The following WDFY4 variants were observed in gnomAD, a reference collection of about 807,000 sequenced individuals.
WDFY4 encodes WD repeat- and FYVE domain-containing protein 4.
A neutral mutation model predicts 351.9 loss-of-function variants in WDFY4; 169 were observed. The observed-to-expected ratio is 0.48, with a 90% confidence interval of 0.42 to 0.55. The LOEUF is 0.55. WDFY4 is among the 20% of genes least tolerant of loss of function. The pLI is 0.00. For synonymous variants in WDFY4, 1,622 were observed against 1,574.6 expected (o/e 1.03, Z -0.71); for missense variants, 3,803 against 3,935.6 (o/e 0.97, Z 0.90).
At chr10:48,760,316 G>A in intron 12 of WDFY4, 31 bp from the exon 13 acceptor site, 21 of 1,543,814 alleles carry the variant, frequency 1.4e-5, no homozygotes, top group Non-Finnish European at 1.8e-5. Context: ...GAAGGTCCGT[G>A]TCTCATGTCT....
rs544546737 is a variant in WDFY4, at chr10:48,923,667, A to G, written c.7587-18139A>G. Among the ~76,000 whole-genome samples the G allele has an allele frequency of 1.9e-3, 285 of 151,956 alleles. 1 individual carries two copies. Among genetic ancestry groups the G allele is most frequent in the African/African-American group, 6.7e-3 (277 of 41,440 alleles). ...CACTGTATGAGCATATTGAGTGCCT[A>G]CCATTTATCAACCCTCTGAGCAACA... On this transcript the variant is annotated intron_variant, in intron 47 of 61. Coordinates refer to ENST00000325239, the MANE Select transcript of WDFY4 (RefSeq NM_001394531.1).
chr10:48,811,627 C>A lies in WDFY4; in HGVS notation c.5133C>A (p.His1711Gln). 1 of 1,551,960 alleles carries A rather than the reference C, an allele frequency of 6.4e-7. No individual in the cohort carries two copies. Among genetic ancestry groups the A allele is most frequent in the Non-Finnish European group, 8.7e-7 (1 of 1,147,056 alleles). ...FRVLNDFLAH[H>Q]VHIPEVYLIV... is the part of the protein sequence containing the mutation. Reference sequence around the variant, plus strand: ...TCTTGAATGACTTTCTGGCCCACCACGTCCACATTCCAGAGGTCTACCTCA... The same window carrying A: ...TCTTGAATGACTTTCTGGCCCACCAAGTCCACATTCCAGAGGTCTACCTCA... Residue 1711 changes from histidine to glutamine, a missense_variant, in exon 30 of 62, where the codon CAC (histidine) becomes CAA (glutamine). By Grantham distance (24) the His-to-Gln change is conservative. This residue lies in a region of WDFY4 where 3,054 missense variants were observed against 3,148.6 expected (regional missense o/e 0.97). Transcript: ENST00000325239.
chr10:48,736,347 A>C (rs1041226135), intron 11 of WDFY4: 2 of 598,950 alleles, frequency 3.3e-6, no homozygotes, highest in Non-Finnish European at 5.9e-6. Flanking sequence ...GCCAGCAGAC[A>C]AGGGAAGAGA....
Position 48,817,345 on chromosome 10 carries a change from C to T in WDFY4, c.5441C>T (p.Ala1814Val), listed in dbSNP as rs746485548. 4.6e-5 allele frequency: 71 copies of T among 1,551,524 alleles called. No homozygotes were observed. Among genetic ancestry groups the T allele is most frequent in the Middle Eastern group, 1.7e-4 (1 of 6,014 alleles). The change falls in exon 32 of 62, where the codon GCG becomes GTG. Residue 1814 changes from alanine (A) to valine (V), a missense_variant. Coordinates refer to ENST00000325239, the MANE Select transcript of WDFY4 (RefSeq NM_001394531.1). ...LVHRTYPQDP[A>V]WRAPEFLQTL... The stretch of plus-strand genomic sequence containing the variant: ...CACCGCACCTACCCCCAGGACCCAG[C>T]GTGGCGAGCCCCGGAGTTCCTCCAG...
At chr10:48,696,980 C>G (rs1054936196) in intron 1 of WDFY4, among the ~76,000 whole-genome samples, 3 of 152,258 alleles carry the variant, frequency 2.0e-5, no homozygotes, top group African/African-American at 7.2e-5. Flanking sequence ...GGATTTGAAT[C>G]TGATCTATGT....
chr10:48,914,011 G>A (rs776108946), intron 47 of WDFY4: 2 of 1,614,064 alleles, frequency 1.2e-6, no homozygotes, highest in African/African-American at 1.3e-5. Flanking sequence ...ATGTCACTAA[G>A]GCGCAGAATA....
chr10:48,974,637 C>T (rs749152619), intron 57 of WDFY4, among the ~76,000 whole-genome samples: 3 of 150,688 alleles, frequency 2.0e-5, no homozygotes, highest in East Asian at 3.9e-4. Context: ...AATGGTTTCT[C>T]CCCAGCAGAG....
At chr10:48,685,077 C>T (rs2063005632) in intron 1 of WDFY4, 76 bp downstream of exon 1, 1 of 152,496 alleles carries the variant, frequency 6.6e-6, no homozygotes, top group African/African-American at 2.4e-5. Context: ...AGCGTGGGGC[C>T]TACTGGCTGC....
At position 48,954,487 on chromosome 10, in the gene WDFY4, G is replaced by T. The variant is rs181120253; in HGVS notation, c.7978-2642G>T. Among the ~76,000 whole-genome samples, 4 of 152,280 alleles carry T rather than the reference G, an allele frequency of 2.6e-5. No individual in the cohort carries two copies. In the East Asian group the frequency reaches 7.7e-4, roughly 29 times the overall value. On this transcript the variant is annotated intron_variant, in intron 51 of 61. Transcript: ENST00000325239. ...CCAAGTTCTAGACTTAATTGTGCTG[G>T]TTTATTTCATTTGGGTCTGGACTTT...
chr10:48,962,932 C>T (rs1189428069), intron 53 of WDFY4, among the ~76,000 whole-genome samples: 1 of 152,186 alleles, frequency 6.6e-6, no homozygotes, highest in Non-Finnish European at 1.5e-5. Flanking sequence ...GTTCACATTC[C>T]TGGGGGCTAA....
chr10:48,844,569 G>T (rs1003344709), intron 39 of WDFY4, among the ~76,000 whole-genome samples: 1 of 152,118 alleles, frequency 6.6e-6, no homozygotes, highest in East Asian at 1.9e-4. Flanking sequence ...TCCAGCCTAG[G>T]TGACAACAGC....
chr10:48,717,222 G>C (rs2063938379), intron 2 of WDFY4, among the ~76,000 whole-genome samples: 1 of 152,192 alleles, frequency 6.6e-6, no homozygotes. Context: ...CATTGTTACT[G>C]TGTATCGTGG....
chr10:48,865,540 G>T (rs746499666), intron 39 of WDFY4, among the ~76,000 whole-genome samples: 1 of 152,118 alleles, frequency 6.6e-6, no homozygotes, highest in Non-Finnish European at 1.5e-5. Flanking sequence ...TAAAGCCTTT[G>T]TCTGTTTTCT....
chr10:48,785,204 CA>C (rs2066366061), intron 19 of WDFY4, among the ~76,000 whole-genome samples: 3 of 151,992 alleles, frequency 2.0e-5, no homozygotes, highest in Admixed American at 2.0e-4. Flanking sequence ...AAAATGTATA[CA>C]TATATGTGTA....
Position 48,822,366 on chromosome 10 carries a change from C to T in WDFY4, c.5825-14C>T, listed in dbSNP as rs923248334. The T allele has an allele frequency of 1.3e-6, 2 of 1,527,884 alleles. No individual in the cohort carries two copies. The highest frequency in any genetic ancestry group is 1.4e-5 in the African/African-American group (1 of 72,794). The allele number at this position is 1,527,884 out of a possible 1,614,324, so 94.6% of individuals were successfully genotyped here. On this transcript the variant is annotated splice_polypyrimidine_tract_variant and intron_variant, in intron 34 of 61. Transcript: ENST00000325239. The stretch of plus-strand genomic sequence containing the variant: ...ATTTAGACTCTCACCTCCACCTGTC[C>T]CCTCACTCCACAGACGGCAAAGAGC...
chr10:48,792,965 C>A (rs992888207), intron 23 of WDFY4, among the ~76,000 whole-genome samples: 13 of 152,116 alleles, frequency 8.5e-5, no homozygotes, highest in Admixed American at 7.9e-4. Flanking sequence ...AGGTACATAG[C>A]GCCTGCTGTC....
intron 1 of WDFY4, among the ~76,000 whole-genome samples, chr10:48,695,305 C>A (rs1174435701): frequency 6.6e-6 from 1 of 152,190 alleles, no homozygotes; most frequent in Non-Finnish European, 1.5e-5. Flanking sequence ...TGGCTTGGAT[C>A]TCCTATGGCT....
chr10:48,801,629 A>T (rs2067093356), intron 24 of WDFY4: 1 of 387,798 alleles, frequency 2.6e-6, no homozygotes, highest in South Asian at 1.8e-5. Context: ...GGCTGTGCTT[A>T]AAAAAGCAGG....
In WDFY4 at chr10:48,822,366, C is replaced by G; in HGVS notation, c.5825-14C>G. 6.5e-7 allele frequency: 1 copy of G among 1,527,884 alleles called. No individual in the cohort carries two copies. The highest frequency in any genetic ancestry group is 2.5e-5 in the East Asian group (1 of 40,532). 94.6% of individuals were successfully genotyped at this position (1,527,884 alleles called of 1,614,324 possible). ...ATTTAGACTCTCACCTCCACCTGTC[C>G]CCTCACTCCACAGACGGCAAAGAGC... On this transcript the variant is annotated splice_polypyrimidine_tract_variant and intron_variant, in intron 34 of 61. Transcript: ENST00000325239.
Sources: allele counts gnomAD v4.1 joint callset (sites outside exome capture counted in the v4.1 genomes callset), GRCh38; gene constraint gnomAD v4.1.1; regional missense constraint gnomAD v4.1.1; transcripts MANE v1.5; gene names NCBI Gene and HGNC (gene_info 2026-07-23, HGNC 2026-07-21).